Variants in ULK4 observed in about 807,000 individuals in gnomAD.
The protein encoded by ULK4 is inactive serine/threonine-protein kinase ULK4.
A neutral mutation model predicts 160.6 loss-of-function variants in ULK4; 133 were observed. The ratio of observed to expected loss-of-function variants is 0.83; its 90% CI spans 0.72 to 0.96. ULK4 has a LOEUF of 0.96. Among genes scored for constraint, ULK4 ranks in the 40% least tolerant of loss-of-function variants. ULK4 has a pLI of 0.00. For missense variants in ULK4, 1,580 were observed against 1,499.5 expected, an observed-to-expected ratio of 1.05 and a Z score of -0.89; for synonymous variants, 534 against 539.8, an observed-to-expected ratio of 0.99 and a Z score of 0.15.
intron 2 of ULK4, among the ~76,000 whole-genome samples, chr3:41,946,833 G>A (rs1184221683): frequency 6.6e-6 from 1 of 152,120 alleles, no homozygotes; most frequent in Non-Finnish European, 1.5e-5. Flanking sequence ...ATCCTGATAA[G>A]CCTAAAAAGT....
intron 8 of ULK4, 108 bp from the exon 9 acceptor site, chr3:41,913,007 C>T: frequency 1.2e-6 from 1 of 828,508 alleles, no homozygotes; most frequent in South Asian, 1.7e-5. Flanking sequence ...TACACATGTA[C>T]CTTTGAAATC....
chr3:41,444,361 T>TTCTCTCTCTCTCTCTCTCTCTC (rs56744200), intron 34 of ULK4, among the ~76,000 whole-genome samples: 2 of 146,582 alleles, frequency 1.4e-5, no homozygotes, highest in African/African-American at 5.1e-5. Context: ...TTTAAGTGAC[T>TTCTCTCTCTCTCTCTCTCTCTC]TCTCTCTCTC....
At chr3:41,408,285 G>A (rs981743192) in intron 34 of ULK4, among the ~76,000 whole-genome samples, 3 of 151,530 alleles carry the variant, frequency 2.0e-5, no homozygotes. Flanking sequence ...AAAATTAGCT[G>A]GGCATGGTGG....
At chr3:41,754,703 G>A (rs1417250835) in intron 21 of ULK4, among the ~76,000 whole-genome samples, 1 of 152,078 alleles carries the variant, frequency 6.6e-6, no homozygotes, top group Non-Finnish European at 1.5e-5. Flanking sequence ...TGACAATGTT[G>A]TCCCCGCTTT....
chr3:41,663,478 TA>T, intron 30 of ULK4, 128 bp downstream of exon 30: 3 of 828,938 alleles, frequency 3.6e-6, no homozygotes, highest in Admixed American at 2.4e-5. Flanking sequence ...CCATGAAACT[TA>T]AAAAAATGAC....
chr3:41,914,604 A>C (rs1698906327), intron 8 of ULK4, among the ~76,000 whole-genome samples: 1 of 152,240 alleles, frequency 6.6e-6, no homozygotes. Flanking sequence ...ACCCAAAAAA[A>C]TTTTAAAAAT....
chr3:41,479,796 A>G (rs1325139121), intron 32 of ULK4, among the ~76,000 whole-genome samples: 2 of 152,176 alleles, frequency 1.3e-5, no homozygotes, highest in African/African-American at 2.4e-5. Context: ...AATTTCTCCC[A>G]TTGGTTTCTT....
chr3:41,873,702 C>T (rs1697199309), intron 17 of ULK4, among the ~76,000 whole-genome samples: 1 of 151,996 alleles, frequency 6.6e-6, no homozygotes, highest in African/African-American at 2.4e-5. Flanking sequence ...TACAGGCATG[C>T]ACCATCATGC....
At chr3:41,409,851 A>G (rs2082375569) in intron 34 of ULK4, among the ~76,000 whole-genome samples, 1 of 152,172 alleles carries the variant, frequency 6.6e-6, no homozygotes, top group East Asian at 1.9e-4. Context: ...TGTGAGTCTA[A>G]GTCAGAAGAA....
chr3:41,527,912 A>C (rs150811072), intron 32 of ULK4, among the ~76,000 whole-genome samples: 1 of 152,352 alleles, frequency 6.6e-6, no homozygotes, highest in East Asian at 1.9e-4. Flanking sequence ...CTTAAAGAAG[A>C]TGAGAAGATA....
intron 35 of ULK4, among the ~76,000 whole-genome samples, chr3:41,343,145 T>C (rs1186651033): frequency 1.3e-5 from 2 of 152,060 alleles, no homozygotes; most frequent in Non-Finnish European, 2.9e-5. Context: ...ACCACTCCTA[T>C]TCAAGATAGT....
chr3:41,434,841 A>C (rs2082997469), intron 34 of ULK4, among the ~76,000 whole-genome samples: 2 of 152,178 alleles, frequency 1.3e-5, no homozygotes, highest in South Asian at 4.1e-4. Flanking sequence ...TTTAGTTTGA[A>C]TTGACTTTTT....
At chr3:41,334,763 CAT>C (rs1301773577) in intron 35 of ULK4, among the ~76,000 whole-genome samples, 1 of 152,176 alleles carries the variant, frequency 6.6e-6, no homozygotes, top group East Asian at 1.9e-4. Flanking sequence ...TACATGAAAA[CAT>C]ATTTGAACAT....
At chr3:41,882,167 T>A in intron 17 of ULK4, 1 of 702,038 alleles carries the variant, frequency 1.4e-6, no homozygotes, top group Non-Finnish European at 2.6e-6. Flanking sequence ...GATACAGTTT[T>A]ATTTATTTTG....
intron 30 of ULK4, among the ~76,000 whole-genome samples, chr3:41,660,795 A>C (rs988219551): frequency 6.6e-6 from 1 of 152,244 alleles, no homozygotes; most frequent in African/African-American, 2.4e-5. Context: ...GAGACTGCAA[A>C]TAAGACACAG....
chr3:41,315,806 T>C (rs1427702509), intron 35 of ULK4, among the ~76,000 whole-genome samples: 9 of 152,124 alleles, frequency 5.9e-5, no homozygotes, highest in African/African-American at 2.2e-4. Context: ...TCATTAGCCA[T>C]CAGGACAATG....
intron 31 of ULK4, among the ~76,000 whole-genome samples, chr3:41,593,092 G>T (rs1299935585): frequency 1.3e-5 from 2 of 152,086 alleles, no homozygotes; most frequent in Non-Finnish European, 2.9e-5. Context: ...ATTTAATTCA[G>T]ATTTCATTTC....
intron 21 of ULK4, among the ~76,000 whole-genome samples, chr3:41,772,245 AC>A (rs1269482964): frequency 2.0e-5 from 3 of 152,242 alleles, no homozygotes; most frequent in African/African-American, 7.2e-5. Context: ...AGATAGAGAC[AC>A]AAAAAACCCT....
rs570701967 is a variant in ULK4, at chr3:41,829,201, A to C, written c.1764+6663T>G. On this transcript the variant is annotated intron_variant, in intron 18 of 36. Transcript: ENST00000301831. ...CTAAAACCATAAAAACCCTAGAAGA[A>C]AACCTAGGCAATACCATTCAGGACA... 3.3e-5 allele frequency among the ~76,000 whole-genome samples: 5 copies of C among 149,838 alleles called. No homozygotes were observed. The South Asian group carries it at 6.4e-4, about 19-fold the overall frequency.
Sources: allele counts gnomAD v4.1 joint callset (sites outside exome capture counted in the v4.1 genomes callset), GRCh38; gene constraint gnomAD v4.1.1; transcripts MANE v1.5; gene names NCBI Gene and HGNC (gene_info 2026-07-23, HGNC 2026-07-21).